The following BPIFB3 variants were observed in gnomAD, a reference collection of about 807,000 sequenced individuals.
BPIFB3 encodes BPI fold-containing family B member 3.
BPIFB3 carries 49 observed loss-of-function variants against 53.1 expected under a neutral mutation model. That is an observed-to-expected ratio of 0.92 (90% CI 0.73 to 1.17). The LOEUF is 1.17. Ranked by LOEUF, BPIFB3 falls within the 50% of genes most tolerant of loss-of-function variation. BPIFB3 has a pLI of 0.00. For missense variants in BPIFB3, 628 were observed against 592.5 expected, an observed-to-expected ratio of 1.06 and a Z score of -0.62; for synonymous variants, 271 against 269.6, an observed-to-expected ratio of 1.01 and a Z score of -0.05.
intron 4 of BPIFB3, 38 bp from the exon 6 acceptor site, chr20:33,061,730 C>T (rs1345385355): frequency 6.2e-7 from 1 of 1,605,548 alleles, no homozygotes; most frequent in South Asian, 1.1e-5. Context: ...GAACCGTCCA[C>T]CTGGCAGCCG....
intron 5 of BPIFB3, among the ~76,000 whole-genome samples, chr20:33,062,158 A>C (rs776205743): frequency 6.6e-6 from 1 of 152,196 alleles, no homozygotes; most frequent in Non-Finnish European, 1.5e-5. Context: ...AAATTGGATC[A>C]CTTGGTGATT....
At position 33,069,956 on chromosome 20, in the gene BPIFB3, G is replaced by T; in HGVS notation, c.1217+1G>T. 2 of 1,614,152 alleles carry T rather than the reference G, an allele frequency of 1.2e-6. No homozygotes were observed. Among genetic ancestry groups the T allele is most frequent in the Non-Finnish European group, 8.5e-7 (1 of 1,179,970 alleles). On this transcript the variant is annotated splice_donor_variant, in intron 11 of 14. Transcript: ENST00000375494. LOFTEE classifies it high-confidence loss of function. ...TGCACATCTCCCTGTCCCTGGAACG[G>T]TAACTTGGGATCCTGGGGACAGGAT... is the stretch of plus-strand genomic sequence containing the variant.
At chr20:33,068,365 T>C (rs1980749237) in intron 9 of BPIFB3, among the ~76,000 whole-genome samples, 1 of 152,338 alleles carries the variant, frequency 6.6e-6, no homozygotes, top group East Asian at 1.9e-4. Context: ...GAGGGAACTT[T>C]GCAGTTCTCT....
At chr20:33,064,468 C>G (rs984571043) in exon 7 of BPIFB3, 1 of 1,613,924 alleles carries the variant, frequency 6.2e-7, no homozygotes, top group African/African-American at 1.3e-5. Context: ...CCTGGTGTCC[C>G]TTGGGGCTCT....
chr20:33,065,355 A>G (rs1046143438), intron 8 of BPIFB3, among the ~76,000 whole-genome samples: 5 of 152,074 alleles, frequency 3.3e-5, no homozygotes, highest in Admixed American at 2.6e-4. Context: ...TACAAAAAAT[A>G]CAAATATTAG....
At chr20:33,071,271 C>T in exon 12 of BPIFB3, 1 of 1,565,562 alleles carries the variant, frequency 6.4e-7, no homozygotes, top group East Asian at 2.3e-5. Context: ...TCAAGGTGGC[C>T]TCCTCCTTTA....
At chr20:33,069,843 C>T (rs758033444) in intron 10 of BPIFB3, 45 bp from the exon 12 acceptor site, 2 of 1,604,354 alleles carry the variant, frequency 1.2e-6, no homozygotes, top group East Asian at 2.2e-5. Context: ...TCCTCAAGCT[C>T]CTTCTGCCGA....
chr20:33,064,925 C>A, intron 8 of BPIFB3, 80 bp downstream of exon 9: 1 of 1,466,786 alleles, frequency 6.8e-7, no homozygotes, highest in Non-Finnish European at 9.2e-7. Flanking sequence ...GACCTAGGCC[C>A]TGATCAGCCT....
intron 8 of BPIFB3, 51 bp downstream of exon 9, chr20:33,064,896 C>T (rs1980612422): frequency 6.4e-7 from 1 of 1,569,844 alleles, no homozygotes; most frequent in South Asian, 1.2e-5. Flanking sequence ...CCCTGCTGTG[C>T]CTTGGCATTA....
intron 11 of BPIFB3, 68 bp downstream of exon 12, chr20:33,070,023 A>G (rs1204874448): frequency 1.3e-6 from 2 of 1,552,504 alleles, no homozygotes; most frequent in Admixed American, 1.7e-5. Context: ...GGCTGACAGG[A>G]TCCGCCTCCC....
At chr20:33,063,631 A>T in exon 6 of BPIFB3, 1 of 1,614,054 alleles carries the variant, frequency 6.2e-7, no homozygotes, top group Non-Finnish European at 8.5e-7. Context: ...CCCGTGGTGG[A>T]CAGTGTGCTG....
chr20:33,060,926 G>T (rs985301649), intron 4 of BPIFB3, among the ~76,000 whole-genome samples: 1 of 152,198 alleles, frequency 6.6e-6, no homozygotes, highest in Non-Finnish European at 1.5e-5. Flanking sequence ...AGGATCACAC[G>T]CACAGATCCG....
intron 10 of BPIFB3, 39 bp downstream of exon 11, chr20:33,069,012 G>A: frequency 6.3e-7 from 1 of 1,591,632 alleles, no homozygotes; most frequent in Non-Finnish European, 8.6e-7. Flanking sequence ...CGGCATTGGG[G>A]TTCCAAATGG....
At chr20:33,060,725 A>ACGCCC in intron 4 of BPIFB3, among the ~76,000 whole-genome samples, 1 of 151,778 alleles carries the variant, frequency 6.6e-6, no homozygotes, top group Non-Finnish European at 1.5e-5. Flanking sequence ...GCCCACCACC[A>ACGCCC]TGCTAATTTT....
chr20:33,060,021 C>T (rs1396681969), exon 4 of BPIFB3: 1 of 1,613,792 alleles, frequency 6.2e-7, no homozygotes, highest in Non-Finnish European at 8.5e-7. Context: ...CCACATCAGC[C>T]TGTTCTCAGG....
In BPIFB3 at chr20:33,060,067, G is replaced by A. The variant is rs752324595; in HGVS notation, c.527+36G>A. On this transcript the variant is annotated intron_variant, in intron 4 of 14. Coordinates refer to ENST00000375494, the Ensembl canonical transcript of BPIFB3. Reference sequence around the variant, plus strand: ...AGGTTCCAGCCTGCAACCCTGACCCGCTCAGGATCATCTCGCACCCATCTG... The same window carrying A: ...AGGTTCCAGCCTGCAACCCTGACCCACTCAGGATCATCTCGCACCCATCTG... 1.3e-5 allele frequency: 21 copies of A among 1,605,000 alleles called. No individual in the cohort carries two copies. In the Middle Eastern group the frequency reaches 5.0e-4, roughly 38 times the overall value.
intron 12 of BPIFB3, 129 bp from the exon 14 acceptor site, chr20:33,071,975 G>A: frequency 4.5e-6 from 4 of 879,594 alleles, no homozygotes; most frequent in South Asian, 1.4e-5. Context: ...GCCAGGAGCT[G>A]TGTCCTCAGG....
chr20:33,073,342 G>A (rs1427178525), intron 14 of BPIFB3, among the ~76,000 whole-genome samples: 1 of 152,228 alleles, frequency 6.6e-6, no homozygotes, highest in Admixed American at 6.5e-5. Flanking sequence ...TCTGGCCCAA[G>A]TTCACCAGTA....
At chr20:33,072,029 T>C (rs1469890215) in intron 12 of BPIFB3, 75 bp from the exon 14 acceptor site, 14 of 1,504,006 alleles carry the variant, frequency 9.3e-6, no homozygotes, top group Non-Finnish European at 1.3e-5. Context: ...TTTCTCTCCC[T>C]GGGAACGGGA....
Sources: gnomAD v4.1 joint callset for allele counts (sites outside exome capture counted in the v4.1 genomes callset) on GRCh38, gnomAD v4.1.1 for gene constraint, MANE v1.5 for transcripts, NCBI Gene and HGNC (gene_info 2026-07-23, HGNC 2026-07-21) for gene names.